The following TRMT2B variants were observed in gnomAD, a reference collection of about 807,000 sequenced individuals.
TRMT2B encodes tRNA (uracil-5-)-methyltransferase homolog B.
Under a neutral mutation model 39.7 loss-of-function variants are expected in TRMT2B, and 34 were observed. That is an observed-to-expected ratio of 0.86 (90% CI 0.65 to 1.14). The LOEUF is 1.14. Ranked by LOEUF, TRMT2B falls within the 50% of genes most tolerant of loss-of-function variation. TRMT2B has a pLI of 0.00. For synonymous variants in TRMT2B, 132 were observed against 137.3 expected (o/e 0.96, Z 0.27); for missense variants, 318 against 377.2 (o/e 0.84, Z 1.30).
intron 9 of TRMT2B, 86 bp from the exon 10 acceptor site, chrX:101,021,401 G>A: frequency 1.2e-6 from 1 of 831,629 alleles, no homozygotes; most frequent in Non-Finnish European, 1.7e-6. Flanking sequence ...GGCCGAGGCG[G>A]GCAGATCACC....
chrX:100,995,965 C>A, the TRMT2B span, among the ~76,000 whole-genome samples: 1 of 109,600 alleles, frequency 9.1e-6, no homozygotes. Context: ...TCTTAATATA[C>A]ATTTTTTTTT....
intron 4 of TRMT2B, 70 bp downstream of exon 4, chrX:101,041,247 A>G (rs920234126): frequency 9.3e-6 from 9 of 965,798 alleles, no homozygotes; most frequent in Non-Finnish European, 7.2e-6. Flanking sequence ...TAACTGCCCA[A>G]TCAAGCTTCC....
At chrX:100,973,622 C>G in the TRMT2B span, 21 of 1,107,768 alleles carry the variant, frequency 1.9e-5, no homozygotes, top group Admixed American at 4.7e-4. Flanking sequence ...ACTAAAGGCT[C>G]AGTGTTTATA....
intron 7 of TRMT2B, among the ~76,000 whole-genome samples, chrX:101,028,063 C>A (rs2087216420): frequency 9.3e-6 from 1 of 107,351 alleles, no homozygotes; most frequent in South Asian, 4.1e-4. Context: ...TAAACACATT[C>A]ATTACCTCCA....
At chrX:101,035,557 C>T in intron 7 of TRMT2B, 56 bp downstream of exon 7, 1 of 1,028,554 alleles carries the variant, frequency 9.7e-7, no homozygotes, top group Admixed American at 2.2e-5. Context: ...AGGGATGTTG[C>T]TGTTGTAGAC....
chrX:101,050,549 AC>A (rs1312879576), intron 2 of TRMT2B, among the ~76,000 whole-genome samples: 1 of 108,609 alleles, frequency 9.2e-6, no homozygotes, highest in East Asian at 2.9e-4. Context: ...ACATGGAGAA[AC>A]CCTGTCTATA....
chrX:101,000,418 G>A, the TRMT2B span, among the ~76,000 whole-genome samples: 2 of 111,017 alleles, frequency 1.8e-5, no homozygotes, highest in Non-Finnish European at 3.8e-5. Context: ...CACCGCACCC[G>A]GCCTGAGAGC....
intron 7 of TRMT2B, among the ~76,000 whole-genome samples, chrX:101,027,451 T>G (rs1358205721): frequency 9.3e-6 from 1 of 107,584 alleles, no homozygotes; most frequent in Non-Finnish European, 1.9e-5. Context: ...ACCATATTGG[T>G]CAGGCTGGTC....
the TRMT2B span, among the ~76,000 whole-genome samples, chrX:100,998,617 G>C: frequency 9.2e-6 from 1 of 109,006 alleles, no homozygotes; most frequent in East Asian, 2.9e-4. Context: ...AATTTGCAAA[G>C]TGTTTTATAT....
intron 4 of TRMT2B, among the ~76,000 whole-genome samples, chrX:101,039,367 G>A (rs1470871501): frequency 8.9e-6 from 1 of 112,015 alleles, no homozygotes; most frequent in Non-Finnish European, 1.9e-5. Context: ...CACCACGCCC[G>A]GCCCTAAATT....
the TRMT2B span, among the ~76,000 whole-genome samples, chrX:100,982,145 CATG>C: frequency 9.0e-6 from 1 of 110,799 alleles, no homozygotes; most frequent in Non-Finnish European, 1.9e-5. Context: ...TTAAAAAAAT[CATG>C]ATGCTTCAGC....
intron 2 of TRMT2B, 110 bp downstream of exon 2, chrX:101,051,141 G>T: frequency 3.1e-6 from 1 of 317,464 alleles, no homozygotes; most frequent in Non-Finnish European, 4.2e-6. Flanking sequence ...CCTGCCTCAG[G>T]AATTGATCAG....
chrX:101,014,867 G>T (rs775113785), intron 13 of TRMT2B, among the ~76,000 whole-genome samples: 1 of 110,252 alleles, frequency 9.1e-6, no homozygotes, highest in African/African-American at 3.3e-5. Flanking sequence ...GGTGAAGTAC[G>T]CGGGGAAAGT....
intron 2 of TRMT2B, among the ~76,000 whole-genome samples, chrX:101,044,505 A>C (rs1417776509): frequency 9.0e-6 from 1 of 111,052 alleles, no homozygotes; most frequent in African/African-American, 3.3e-5. Context: ...GGCAGATCAC[A>C]AGGTCAGGAG....
intron 13 of TRMT2B, among the ~76,000 whole-genome samples, chrX:101,014,127 G>A (rs1206105237): frequency 3.6e-5 from 4 of 111,219 alleles, no homozygotes. Context: ...CTTATAGTAT[G>A]CTTCTACTTG....
chrX:101,008,242 C>T (rs2086135588), downstream of TRMT2B, among the ~76,000 whole-genome samples: 1 of 111,236 alleles, frequency 9.0e-6, no homozygotes, highest in Non-Finnish European at 1.9e-5. Flanking sequence ...GATGGTATTG[C>T]CATTTGCTGA....
In TRMT2B at chrX:101,022,705, G is replaced by A. The variant is rs751806076; in HGVS notation, c.757-643C>T. On this transcript the variant is annotated intron_variant, in intron 8 of 13. Transcript: ENST00000372936. ...CCAGTTACTTGAGAGGCTGAGGTGGGAAGATTGCTTGAGCCCAGCAGTTTG... is the reference window on the plus strand; with the variant it reads ...CCAGTTACTTGAGAGGCTGAGGTGGAAAGATTGCTTGAGCCCAGCAGTTTG... Among the ~76,000 whole-genome samples, 3 of 111,133 alleles carry A rather than the reference G, an allele frequency of 2.7e-5. No homozygotes were observed. The South Asian group carries it at 1.1e-3, about 42-fold the overall frequency.
chrX:100,987,395 A>G, the TRMT2B span: 4 of 1,210,153 alleles, frequency 3.3e-6, no homozygotes, highest in Non-Finnish European at 4.5e-6. Flanking sequence ...CACAGGAGCC[A>G]TGTTCAGCCA....
chrX:100,990,458 T>C, the TRMT2B span: 1 of 987,842 alleles, frequency 1.0e-6, no homozygotes, highest in Non-Finnish European at 1.3e-6. Flanking sequence ...TACCCGGTTT[T>C]TAAATTTCCA....
Sources: gnomAD v4.1 joint callset for allele counts (sites outside exome capture counted in the v4.1 genomes callset) on GRCh38, gnomAD v4.1.1 for gene constraint, MANE v1.5 for transcripts, NCBI Gene and HGNC (gene_info 2026-07-23, HGNC 2026-07-21) for gene names.